RIMS1: variants seen among roughly 807,000 people sequenced by gnomAD.
RIMS1 encodes regulating synaptic membrane exocytosis protein 1.
RIMS1 carries 83 observed loss-of-function variants against 214.1 expected under a neutral mutation model. That is an observed-to-expected ratio of 0.39 (90% CI 0.32 to 0.47). RIMS1 has a LOEUF of 0.47. Ranked by LOEUF, RIMS1 falls within the 20% of genes least tolerant of loss-of-function variation. The pLI is 0.99. For missense variants in RIMS1, 2,050 were observed against 2,161.8 expected (o/e 0.95, Z 1.03); for synonymous variants, 793 against 786.8 (o/e 1.01, Z -0.13).
chr6:72,008,446 A>G (rs1808756254), intron 2 of RIMS1, among the ~76,000 whole-genome samples: 1 of 152,214 alleles, frequency 6.6e-6, no homozygotes, highest in Non-Finnish European at 1.5e-5. Flanking sequence ...TAACATCATA[A>G]TGACAGGATC....
intron 4 of RIMS1, among the ~76,000 whole-genome samples, chr6:72,123,277 C>T (rs1035310720): frequency 2.0e-5 from 3 of 151,644 alleles, no homozygotes; most frequent in East Asian, 1.9e-4. Flanking sequence ...TGTAGTTGAG[C>T]TGTTTTGAGT....
chr6:72,132,206 G>T (rs2040558539), intron 4 of RIMS1, among the ~76,000 whole-genome samples: 1 of 152,164 alleles, frequency 6.6e-6, no homozygotes, highest in Non-Finnish European at 1.5e-5. Flanking sequence ...AATCACAAGG[G>T]TATTGATTGG....
At chr6:72,043,527 T>C (rs910563379) in intron 2 of RIMS1, among the ~76,000 whole-genome samples, 3 of 151,820 alleles carry the variant, frequency 2.0e-5, no homozygotes, top group African/African-American at 7.2e-5. Context: ...AAATCATTCA[T>C]TGACTTTTTA....
intron 1 of RIMS1, among the ~76,000 whole-genome samples, chr6:71,930,273 C>T (rs1782664246): frequency 6.6e-6 from 1 of 151,952 alleles, no homozygotes; most frequent in Non-Finnish European, 1.5e-5. Flanking sequence ...CATTTAGAGA[C>T]ATATTTCAAG....
At chr6:72,267,402 G>A (rs185532763) in intron 22 of RIMS1, among the ~76,000 whole-genome samples, 211 of 152,186 alleles carry the variant, frequency 1.4e-3, no homozygotes, top group Non-Finnish European at 2.6e-3. Flanking sequence ...ACCCATATCA[G>A]TGCCATCTGA....
At chr6:72,100,368 G>A (rs895396213) in intron 4 of RIMS1, among the ~76,000 whole-genome samples, 5 of 152,004 alleles carry the variant, frequency 3.3e-5, no homozygotes, top group African/African-American at 4.8e-5. Context: ...CAGAAGGAAT[G>A]GAAAACACTT....
intron 23 of RIMS1, among the ~76,000 whole-genome samples, chr6:72,275,162 A>T (rs2085665540): frequency 1.5e-4 from 7 of 46,218 alleles, no homozygotes; most frequent in African/African-American, 4.7e-4. Flanking sequence ...ATATATATAT[A>T]TATATATATA....
chr6:71,926,025 C>T (rs568475189), intron 1 of RIMS1, among the ~76,000 whole-genome samples: 18 of 152,306 alleles, frequency 1.2e-4, no homozygotes, highest in African/African-American at 4.1e-4. Flanking sequence ...TTTCTGCTCT[C>T]TCCCCATTTC....
intron 4 of RIMS1, among the ~76,000 whole-genome samples, chr6:72,127,307 T>C (rs78276615): frequency 6.7e-6 from 1 of 149,650 alleles, no homozygotes; most frequent in Non-Finnish European, 1.5e-5. Flanking sequence ...TGCTGTGATG[T>C]TTTTTTTTTC....
intron 2 of RIMS1, among the ~76,000 whole-genome samples, chr6:71,977,400 C>G (rs1452782978): frequency 6.6e-6 from 1 of 152,160 alleles, no homozygotes; most frequent in Non-Finnish European, 1.5e-5. Flanking sequence ...CTCTCTTCAA[C>G]AAATATTTAG....
intron 28 of RIMS1, among the ~76,000 whole-genome samples, chr6:72,331,557 AGTAGCCT>A (rs1452721070): frequency 6.6e-6 from 1 of 151,854 alleles, no homozygotes; most frequent in African/African-American, 2.4e-5. Context: ...AAGCAGATAG[AGTAGCCT>A]TAAGGATGGG....
intron 29 of RIMS1, among the ~76,000 whole-genome samples, chr6:72,388,589 A>G (rs1040921923): frequency 1.3e-5 from 2 of 152,220 alleles, no homozygotes; most frequent in Non-Finnish European, 2.9e-5. Context: ...AGAAGCAGTG[A>G]CACTAGCTGT....
chr6:71,962,677 G>C (rs1484802058), intron 1 of RIMS1, among the ~76,000 whole-genome samples: 1 of 151,978 alleles, frequency 6.6e-6, no homozygotes, highest in African/African-American at 2.4e-5. Context: ...TATATAAAAT[G>C]AGTTTTAAAA....
chr6:71,894,691 G>T (rs1316451219), intron 1 of RIMS1, among the ~76,000 whole-genome samples: 6 of 152,128 alleles, frequency 3.9e-5, no homozygotes, highest in African/African-American at 1.4e-4. Context: ...GTAATATTTT[G>T]ATATTCCTCT....
At chr6:71,964,964 A>G (rs984706156) in intron 1 of RIMS1, among the ~76,000 whole-genome samples, 1 of 152,182 alleles carries the variant, frequency 6.6e-6, no homozygotes. Context: ...ATCAGTGATC[A>G]GCAAATCAGA....
At chr6:72,191,952 G>T (rs2050141071) in intron 6 of RIMS1, among the ~76,000 whole-genome samples, 1 of 152,184 alleles carries the variant, frequency 6.6e-6, no homozygotes, top group Non-Finnish European at 1.5e-5. Context: ...ATGTGATATT[G>T]TTTTTGATTT....
chr6:72,365,062 G>T (rs2097946602), intron 29 of RIMS1, among the ~76,000 whole-genome samples: 1 of 152,242 alleles, frequency 6.6e-6, no homozygotes, highest in South Asian at 2.1e-4. Flanking sequence ...TCTACCCAGA[G>T]TCTCCACCTA....
intron 6 of RIMS1, among the ~76,000 whole-genome samples, chr6:72,228,340 A>G (rs148473089): frequency 4.0e-4 from 61 of 151,202 alleles, no homozygotes; most frequent in African/African-American, 1.4e-3. Flanking sequence ...AGCAACCACC[A>G]CTCTATTCTC....
intron 23 of RIMS1, among the ~76,000 whole-genome samples, chr6:72,282,199 A>G (rs757320381): frequency 1.3e-5 from 2 of 152,090 alleles, no homozygotes; most frequent in Non-Finnish European, 2.9e-5. Flanking sequence ...TAAATTTCCC[A>G]TAACTATTTT....
Sources: gnomAD v4.1 joint callset for allele counts (sites outside exome capture counted in the v4.1 genomes callset) on GRCh38, gnomAD v4.1.1 for gene constraint, MANE v1.5 for transcripts, NCBI Gene and HGNC (gene_info 2026-07-23, HGNC 2026-07-21) for gene names.